The following KIF1B variants were observed in gnomAD, a reference collection of about 807,000 sequenced individuals.
KIF1B encodes kinesin-like protein KIF1B.
A neutral mutation model predicts 241.9 loss-of-function variants in KIF1B; 76 were observed. The observed-to-expected ratio is 0.31, with a 90% CI of 0.26 to 0.38. The LOEUF is 0.38. KIF1B is among the 10% of genes least tolerant of loss of function. The probability of loss-of-function intolerance (pLI) is 1.00; values close to 1 mark genes in which losing one functional copy is unlikely to be tolerated. For missense variants in KIF1B, 1,622 were observed against 2,271.4 expected, an observed-to-expected ratio of 0.71 and a Z score of 5.81; for synonymous variants, 750 against 796.7, an observed-to-expected ratio of 0.94 and a Z score of 0.99.
In KIF1B at chr1:10,381,355, A is replaced by G. The variant is rs1569945541; in HGVS notation, c.*4768A>G. ...TCTCCCCCGTGAAGGAGTTGAGCAC[A>G]TTAGCAACAATGTACATTAATTTTG... On this transcript the variant is annotated 3_prime_UTR_variant, in exon 49 of 49. Transcript: ENST00000676179. The G allele has an allele frequency of 4.5e-6, 1 of 224,602 alleles. No individual in the cohort carries two copies. Among genetic ancestry groups the G allele is most frequent in the South Asian group, 1.8e-4 (1 of 5,448 alleles). The allele number at this position is 224,602 out of a possible 1,614,324, so 13.9% of individuals were successfully genotyped here. A position where few individuals can be genotyped will look rare whatever the true frequency, so the allele number is the denominator to read the frequency against.
At chr1:10,221,278 A>G (rs993364909) in intron 1 of KIF1B, among the ~76,000 whole-genome samples, 21 of 151,646 alleles carry the variant, frequency 1.4e-4, no homozygotes, top group Non-Finnish European at 2.7e-4. Flanking sequence ...TTGTATTTTT[A>G]GCAGAGATGG....
chr1:10,375,867 G>C (rs1218375481), intron 48 of KIF1B, among the ~76,000 whole-genome samples: 2 of 139,510 alleles, frequency 1.4e-5, no homozygotes, highest in African/African-American at 5.5e-5. Flanking sequence ...CATGATATCG[G>C]CTCACCGCAA....
chr1:10,261,052 C>T (rs1383546298), intron 4 of KIF1B, among the ~76,000 whole-genome samples: 4 of 151,790 alleles, frequency 2.6e-5, no homozygotes, highest in African/African-American at 7.3e-5. Context: ...CTGCAACCTC[C>T]GCCTCCTGGG....
intron 15 of KIF1B, among the ~76,000 whole-genome samples, chr1:10,286,091 G>A (rs140051108): frequency 0.017 from 2,611 of 151,954 alleles, 85 homozygotes; most frequent in African/African-American, 0.06. Flanking sequence ...CCAGGCTGGA[G>A]TGCAGTGACG....
chr1:10,344,916 G>C (rs770848679), intron 34 of KIF1B: 2 of 152,196 alleles, frequency 1.3e-5, no homozygotes, highest in South Asian at 4.1e-4. Context: ...AAATCTGGCC[G>C]GGTATGGTGG....
intron 36 of KIF1B, among the ~76,000 whole-genome samples, chr1:10,348,256 T>C (rs1652659224): frequency 6.6e-6 from 1 of 152,132 alleles, no homozygotes; most frequent in Admixed American, 6.6e-5. Flanking sequence ...GTAGGTTCAG[T>C]CAGTGTTCAA....
At chr1:10,354,373 T>A (rs533391712) in intron 38 of KIF1B, among the ~76,000 whole-genome samples, 1 of 152,340 alleles carries the variant, frequency 6.6e-6, no homozygotes, top group African/African-American at 2.4e-5. Flanking sequence ...ATTCATCATC[T>A]ATGACTTTCA....
At chr1:10,225,950 G>C (rs1646903348) in intron 1 of KIF1B, among the ~76,000 whole-genome samples, 1 of 152,160 alleles carries the variant, frequency 6.6e-6, no homozygotes. Flanking sequence ...GGTACAGATA[G>C]GGCAGATGAA....
Position 10,365,011 on chromosome 1 carries a change from A to AG in KIF1B, c.4367-89_4367-88insG, listed in dbSNP as rs1360698285. ...ACAGAGCGAGACTCCATCTCAAAAA[A>AG]AAAAAAAAAAGAATTATTAATTCGT... On this transcript the variant is annotated intron_variant, in intron 41 of 48. Transcript: ENST00000676179. This position sits in a 1 kb window ranked among gnomAD's most constrained non-coding sequence, Gnocchi z 4.0. 1 of 1,228,652 alleles carries AG rather than the reference A, an allele frequency of 8.1e-7. No homozygotes were observed. The highest frequency in any genetic ancestry group is 1.6e-5 in the African/African-American group (1 of 63,868). 76.1% of individuals were successfully genotyped at this position (1,228,652 alleles called of 1,614,324 possible).
At chr1:10,252,006 A>G (rs1284038674) in intron 2 of KIF1B, among the ~76,000 whole-genome samples, 1 of 151,984 alleles carries the variant, frequency 6.6e-6, no homozygotes, top group African/African-American at 2.4e-5. Flanking sequence ...ATCTTTTAGA[A>G]ACTACAGTCC....
chr1:10,364,948 G>A, intron 41 of KIF1B, 152 bp from the exon 42 acceptor site: 3 of 594,626 alleles, frequency 5.0e-6, no homozygotes, highest in South Asian at 3.9e-5. Context: ...GGAGCTTGCA[G>A]TGGGCTGAGA....
chr1:10,343,807 G>A (rs568405272), intron 34 of KIF1B, among the ~76,000 whole-genome samples: 1 of 152,176 alleles, frequency 6.6e-6, no homozygotes, highest in East Asian at 1.9e-4. Context: ...AAGACAAGAA[G>A]TAAGAAACAA....
chr1:10,360,504 G>A (rs1466439037), intron 38 of KIF1B, among the ~76,000 whole-genome samples: 2 of 151,988 alleles, frequency 1.3e-5, no homozygotes, highest in Admixed American at 1.3e-4. Context: ...GACCAACATG[G>A]TGAAACCCTG....
At chr1:10,348,160 A>G (rs1159120245) in intron 36 of KIF1B, among the ~76,000 whole-genome samples, 1 of 152,198 alleles carries the variant, frequency 6.6e-6, no homozygotes, top group Non-Finnish European at 1.5e-5. Context: ...TTCACACCAG[A>G]AGTTCTTAAT....
At chr1:10,328,531 A>G (rs1651806102) in intron 27 of KIF1B, among the ~76,000 whole-genome samples, 2 of 152,252 alleles carry the variant, frequency 1.3e-5, no homozygotes, top group Admixed American at 1.3e-4. Context: ...AAAGGTATGT[A>G]CAAATAATGG....
intron 38 of KIF1B, among the ~76,000 whole-genome samples, chr1:10,357,953 G>T (rs1638299601): frequency 6.6e-6 from 1 of 152,046 alleles, no homozygotes; most frequent in Non-Finnish European, 1.5e-5. Flanking sequence ...AGGTTGCAGT[G>T]AGCCAAGATC....
At chr1:10,289,626 G>A (rs1262103115) in intron 15 of KIF1B, among the ~76,000 whole-genome samples, 1 of 152,186 alleles carries the variant, frequency 6.6e-6, no homozygotes, top group Non-Finnish European at 1.5e-5. Flanking sequence ...GCTCACACCT[G>A]TAATCCCAGC....
chr1:10,319,957 C>A (rs1193650476), intron 22 of KIF1B, 86 bp from the exon 23 acceptor site: 1 of 837,316 alleles, frequency 1.2e-6, no homozygotes, highest in Non-Finnish European at 2.0e-6. Context: ...GCTTTCTCTA[C>A]TTCCCCCAAT....
chr1:10,308,305 G>A, intron 22 of KIF1B: 2 of 1,058,164 alleles, frequency 1.9e-6, no homozygotes, highest in Admixed American at 5.4e-5. Flanking sequence ...ACTGATAATT[G>A]TCCAGTTTAT....
Sources: allele counts gnomAD v4.1 joint callset (sites outside exome capture counted in the v4.1 genomes callset), GRCh38; gene constraint gnomAD v4.1.1; non-coding constraint Gnocchi (gnomAD v3.1); transcripts MANE v1.5; gene names NCBI Gene and HGNC (gene_info 2026-07-23, HGNC 2026-07-21).